The following CDH7 variants were observed in gnomAD, a reference collection of about 807,000 sequenced individuals.
CDH7 encodes the protein cadherin-7.
A neutral mutation model predicts 71.8 loss-of-function variants in CDH7; 25 were observed. The ratio of observed to expected loss-of-function variants is 0.35; its 90% CI spans 0.25 to 0.49. The LOEUF (loss-of-function observed/expected upper bound fraction) is 0.49, where lower values mean the gene tolerates loss of function less well. CDH7 is among the 20% of genes least tolerant of loss of function. The probability of loss-of-function intolerance (pLI) is 0.99; values close to 1 mark genes in which losing one functional copy is unlikely to be tolerated. For synonymous variants in CDH7, 381 were observed against 363.8 expected, an observed-to-expected ratio of 1.05 and a Z score of -0.54; for missense variants, 862 against 974.6, an observed-to-expected ratio of 0.88 and a Z score of 1.54.
chr18:65,818,911 T>C (rs1568202018), intron 4 of CDH7, among the ~76,000 whole-genome samples: 1 of 152,220 alleles, frequency 6.6e-6, no homozygotes, highest in Non-Finnish European at 1.5e-5. Flanking sequence ...ATTTTGGTGA[T>C]GGCCATACCA....
At chr18:65,812,620 C>A (rs1003792049) in intron 3 of CDH7, among the ~76,000 whole-genome samples, 1 of 151,990 alleles carries the variant, frequency 6.6e-6, no homozygotes, top group Admixed American at 6.6e-5. Flanking sequence ...ACTAGTAAGC[C>A]TTTAGGATAC....
In CDH7 at chr18:65,780,318, A is replaced by T. The variant is rs924786447; in HGVS notation, c.210+17266A>T. ...AAGCTCTTTAGTTTAATTAGATCCCATTTGTCAATTTTGGCTTTTGTTGCC... is the reference window on the plus strand; with the variant it reads ...AAGCTCTTTAGTTTAATTAGATCCCTTTTGTCAATTTTGGCTTTTGTTGCC... On this transcript the variant is annotated intron_variant, in intron 2 of 11. Coordinates refer to ENST00000397968, the MANE Select transcript of CDH7 (RefSeq NM_004361.5). 3.5e-5 allele frequency among the ~76,000 whole-genome samples: 4 copies of T among 114,406 alleles called. 1 individual carries two copies. Among genetic ancestry groups the T allele is most frequent in the African/African-American group, 1.6e-4 (4 of 25,490 alleles). 75.1% of individuals were successfully genotyped at this position (114,406 alleles called of 152,430 possible).
rs759202083 is a variant in CDH7, at chr18:65,859,047, G to A, written c.1494+1G>A. On this transcript the variant is annotated splice_donor_variant, in intron 9 of 11. Coordinates refer to ENST00000397968, the MANE Select transcript of CDH7 (RefSeq NM_004361.5). LOFTEE classifies it high-confidence loss of function. ...CTGTGAAAATGCCCAGCCGGGGCAGGTAAGAGTCTTCAGAACACTTTGCTT... is the reference window on the plus strand; with the variant it reads ...CTGTGAAAATGCCCAGCCGGGGCAGATAAGAGTCTTCAGAACACTTTGCTT... 1 of 1,613,222 alleles carries A rather than the reference G, an allele frequency of 6.2e-7. No individual in the cohort carries two copies. Among genetic ancestry groups the A allele is most frequent in the Non-Finnish European group, 8.5e-7 (1 of 1,179,394 alleles).
At chr18:65,803,664 A>G (rs1911205530) in intron 2 of CDH7, 2 of 152,158 alleles carry the variant, frequency 1.3e-5, no homozygotes, top group Non-Finnish European at 1.5e-5. Flanking sequence ...ATTAAAAGAC[A>G]TAATAGAAAA....
chr18:65,810,048 T>C (rs538440106), intron 3 of CDH7, 50 bp downstream of exon 3: 2 of 1,472,396 alleles, frequency 1.4e-6, no homozygotes, highest in African/African-American at 2.9e-5. Context: ...TTTGGGGAGA[T>C]TTGTATTTAA....
intron 11 of CDH7, among the ~76,000 whole-genome samples, chr18:65,875,890 C>G (rs897782579): frequency 1.3e-5 from 2 of 152,080 alleles, no homozygotes; most frequent in Non-Finnish European, 2.9e-5. Flanking sequence ...GATCCTACCG[C>G]TGCACTTCAG....
intron 2 of CDH7, among the ~76,000 whole-genome samples, chr18:65,789,351 T>C (rs958367045): frequency 1.3e-5 from 2 of 152,150 alleles, no homozygotes; most frequent in African/African-American, 2.4e-5. Context: ...CTTGAGAAAA[T>C]ACAATCTGTT....
chr18:65,797,328 C>G lies in CDH7; in HGVS notation c.211-12376C>G, dbSNP rs550584399. 3.3e-5 allele frequency among the ~76,000 whole-genome samples: 5 copies of G among 152,062 alleles called. No individual in the cohort carries two copies. The East Asian group carries it at 9.7e-4, about 29-fold the overall frequency. On this transcript the variant is annotated intron_variant, in intron 2 of 11. Coordinates refer to ENST00000397968, the MANE Select transcript of CDH7 (RefSeq NM_004361.5). ...ACCTCACTCTCTTTTTTCCCTTTTT[C>G]TTCCTATTGATTTCTGCCAATTTTA...
At chr18:65,809,576 T>C in intron 2 of CDH7, 128 bp from the exon 3 acceptor site, 2 of 744,522 alleles carry the variant, frequency 2.7e-6, no homozygotes, top group Non-Finnish European at 4.4e-6. Context: ...ACAATAAGCG[T>C]TCAGCTTATC....
rs146304215 is a variant in CDH7 at position 65,844,624 on chromosome 18, A to G, written c.1235+559A>G. On this transcript the variant is annotated intron_variant, in intron 7 of 11. Coordinates refer to ENST00000397968, the MANE Select transcript of CDH7 (RefSeq NM_004361.5). ...TCTAGGCTAGATATTGTTATAGCCA[A>G]GTAATATCTTTAAGACTGACACAAT... Among the ~76,000 whole-genome samples, 77 of 152,204 alleles carry G rather than the reference A, an allele frequency of 5.1e-4. No homozygotes were observed. The East Asian group carries it at 0.011, about 21-fold the overall frequency.
intron 1 of CDH7, among the ~76,000 whole-genome samples, chr18:65,761,488 C>T (rs1333868419): frequency 2.0e-5 from 3 of 147,794 alleles, no homozygotes; most frequent in Non-Finnish European, 3.0e-5. Context: ...TAATAGGAGA[C>T]ATCTTTTGGC....
chr18:65,842,119 G>A (rs1912755262), intron 6 of CDH7, among the ~76,000 whole-genome samples: 2 of 152,060 alleles, frequency 1.3e-5, no homozygotes, highest in Non-Finnish European at 2.9e-5. Context: ...GATTCTTTGG[G>A]TCAGATGTAT....
intron 2 of CDH7, among the ~76,000 whole-genome samples, chr18:65,800,409 C>T (rs1038872723): frequency 6.6e-6 from 1 of 152,062 alleles, no homozygotes; most frequent in African/African-American, 2.4e-5. Flanking sequence ...ATTCAATATA[C>T]TTAAAAGTAA....
chr18:65,844,174 G>GATATATATATATATAT (rs1555688432), intron 7 of CDH7, 109 bp downstream of exon 7: 3,973 of 227,792 alleles, frequency 0.017, 436 homozygotes, highest in African/African-American at 0.096. Context: ...ATAAAAACCA[G>GATATATATATATATAT]ATATATATAT....
chr18:65,853,943 A>ATATATATG (rs1236777727), intron 7 of CDH7, among the ~76,000 whole-genome samples: 1 of 107,196 alleles, frequency 9.3e-6, no homozygotes, highest in Non-Finnish European at 2.0e-5. Flanking sequence ...ATATATATAT[A>ATATATATG]TATATATATA....
intron 2 of CDH7, among the ~76,000 whole-genome samples, chr18:65,776,977 T>A (rs1909970868): frequency 6.6e-6 from 1 of 152,192 alleles, no homozygotes; most frequent in Non-Finnish European, 1.5e-5. Flanking sequence ...CCAAGTATTT[T>A]ACAATTCTAA....
intron 6 of CDH7, among the ~76,000 whole-genome samples, chr18:65,841,423 T>A (rs1453868802): frequency 1.3e-5 from 2 of 152,130 alleles, no homozygotes; most frequent in South Asian, 2.1e-4. Flanking sequence ...AACTTAAAGG[T>A]TGTGGTTTTG....
intron 2 of CDH7, among the ~76,000 whole-genome samples, chr18:65,763,594 GGT>G (rs71167145): frequency 0.04 from 4,013 of 99,104 alleles, 98 homozygotes; most frequent in African/African-American, 0.06. Flanking sequence ...TTGATAGGGG[GGT>G]GTGTGTGTGT....
At position 65,797,437 on chromosome 18, in the gene CDH7, G is replaced by C. The variant is rs146168719; in HGVS notation, c.211-12267G>C. ...TTGGTGTGCAGGAAAGCAGGGGATG[G>C]AAGTTTCTCTGGTTGCAGAGATGAG... On this transcript the variant is annotated intron_variant, in intron 2 of 11. Coordinates refer to ENST00000397968, the MANE Select transcript of CDH7 (RefSeq NM_004361.5). Among the ~76,000 whole-genome samples, 1,057 of 152,260 alleles carry C rather than the reference G, an allele frequency of 6.9e-3. 12 individuals are homozygous for C. The highest frequency in any genetic ancestry group is 0.024 in the African/African-American group (1,006 of 41,570).
Sources: gnomAD v4.1 joint callset for allele counts (sites outside exome capture counted in the v4.1 genomes callset) on GRCh38, gnomAD v4.1.1 for gene constraint, MANE v1.5 for transcripts, NCBI Gene and HGNC (gene_info 2026-07-23, HGNC 2026-07-21) for gene names.